The following NRXN1 variants were observed in gnomAD, a reference collection of about 807,000 sequenced individuals.
NRXN1 encodes the protein neurexin 1.
Under a neutral mutation model 150.9 loss-of-function variants are expected in NRXN1, and 39 were observed. The observed-to-expected ratio is 0.26, with a 90% CI of 0.20 to 0.34. The LOEUF is 0.34. Among genes scored for constraint, NRXN1 ranks in the 10% least tolerant of loss-of-function variants. The pLI, the probability that NRXN1 is intolerant of heterozygous loss-of-function variation, is 1.00. For synonymous variants in NRXN1, 924 were observed against 757.0 expected, an observed-to-expected ratio of 1.22 and a Z score of -3.62; for missense variants, 1,815 against 1,949.9, an observed-to-expected ratio of 0.93 and a Z score of 1.30.
intron 5 of NRXN1, among the ~76,000 whole-genome samples, chr2:50,767,808 TATTA>T (rs1196791269): frequency 1.3e-5 from 2 of 151,162 alleles, no homozygotes; most frequent in Non-Finnish European, 3.0e-5. Flanking sequence ...ATAAGGACAT[TATTA>T]ATTATTTTTT....
chr2:50,948,205 T>C (rs1016882223), intron 2 of NRXN1, among the ~76,000 whole-genome samples: 8 of 152,026 alleles, frequency 5.3e-5, no homozygotes, highest in African/African-American at 1.9e-4. Flanking sequence ...TTACTCTCAA[T>C]GAACAGAATT....
intron 18 of NRXN1, among the ~76,000 whole-genome samples, chr2:50,222,467 A>G (rs1178447958): frequency 6.6e-6 from 1 of 152,008 alleles, no homozygotes; most frequent in Non-Finnish European, 1.5e-5. Context: ...GGAGTGTTCA[A>G]CAGTACAATG....
intron 17 of NRXN1, among the ~76,000 whole-genome samples, chr2:50,337,348 G>C (rs2077261083): frequency 6.6e-6 from 1 of 152,168 alleles, no homozygotes; most frequent in African/African-American, 2.4e-5. Flanking sequence ...GCCTCCCAAA[G>C]TGCTGGGACT....
chr2:50,783,421 C>A (rs987482944), intron 5 of NRXN1, among the ~76,000 whole-genome samples: 1 of 152,208 alleles, frequency 6.6e-6, no homozygotes, highest in South Asian at 2.1e-4. Context: ...CTTAAGCTCT[C>A]GGTCTGTGAC....
chr2:49,989,430 G>T (rs115664184), intron 21 of NRXN1, among the ~76,000 whole-genome samples: 1 of 152,154 alleles, frequency 6.6e-6, no homozygotes, highest in Non-Finnish European at 1.5e-5. Context: ...TCTATTTGAA[G>T]AAAGTCAGAA....
intron 17 of NRXN1, among the ~76,000 whole-genome samples, chr2:50,297,160 A>G (rs1253620180): frequency 6.6e-6 from 1 of 152,150 alleles, no homozygotes; most frequent in Non-Finnish European, 1.5e-5. Context: ...AAGTGCTGGG[A>G]TTACAGGCGT....
At chr2:50,661,995 C>A (rs771406099) in intron 5 of NRXN1, among the ~76,000 whole-genome samples, 3 of 152,046 alleles carry the variant, frequency 2.0e-5, no homozygotes, top group Non-Finnish European at 2.9e-5. Flanking sequence ...AAGGCCTTCA[C>A]TCCCTACAGA....
At chr2:50,690,803 C>T (rs531554695) in intron 5 of NRXN1, among the ~76,000 whole-genome samples, 10 of 152,256 alleles carry the variant, frequency 6.6e-5, no homozygotes, top group East Asian at 1.9e-4. Flanking sequence ...AAGTACTTCT[C>T]TTGATTTTCT....
intron 18 of NRXN1, among the ~76,000 whole-genome samples, chr2:50,109,452 A>T (rs575285892): frequency 6.6e-6 from 1 of 152,006 alleles, no homozygotes; most frequent in East Asian, 1.9e-4. Context: ...AGCCAAAAAA[A>T]CCCCACAGAA....
intron 5 of NRXN1, among the ~76,000 whole-genome samples, chr2:50,920,775 T>C (rs777669763): frequency 2.6e-5 from 4 of 151,954 alleles, no homozygotes; most frequent in Non-Finnish European, 4.4e-5. Flanking sequence ...AATTATACTA[T>C]TGAAAATAGC....
intron 5 of NRXN1, among the ~76,000 whole-genome samples, chr2:50,920,992 T>G (rs1255135242): frequency 6.6e-6 from 1 of 151,696 alleles, no homozygotes; most frequent in East Asian, 1.9e-4. Flanking sequence ...GTGGTCCCAA[T>G]TCACCAGATT....
At chr2:50,414,612 A>G (rs1480908228) in intron 17 of NRXN1, among the ~76,000 whole-genome samples, 1 of 152,022 alleles carries the variant, frequency 6.6e-6, no homozygotes, top group African/African-American at 2.4e-5. Context: ...GGACACTACT[A>G]TCCTTCTTAA....
chr2:50,135,976 G>A, intron 18 of NRXN1, among the ~76,000 whole-genome samples: 1 of 152,148 alleles, frequency 6.6e-6, no homozygotes, highest in East Asian at 1.9e-4. Context: ...CCAGCAAGGA[G>A]AAAATGGTTC....
intron 13 of NRXN1, 75 bp downstream of exon 13, chr2:50,506,420 T>TTC: frequency 7.1e-7 from 1 of 1,408,456 alleles, no homozygotes; most frequent in Non-Finnish European, 9.8e-7. Flanking sequence ...CCAGCCTTGG[T>TTC]GTGCAAAACC....
chr2:50,333,696 G>A (rs571027869), intron 17 of NRXN1, among the ~76,000 whole-genome samples: 143 of 151,938 alleles, frequency 9.4e-4, no homozygotes, highest in African/African-American at 3.2e-3. Context: ...TGGATTTGAC[G>A]GCCTCTATTA....
At chr2:50,171,594 CA>C (rs1349370300) in intron 18 of NRXN1, among the ~76,000 whole-genome samples, 1 of 151,972 alleles carries the variant, frequency 6.6e-6, no homozygotes, top group Non-Finnish European at 1.5e-5. Context: ...AGTCATTTGC[CA>C]AGCTCAGGCA....
intron 5 of NRXN1, among the ~76,000 whole-genome samples, chr2:50,909,679 T>G (rs985761159): frequency 1.3e-5 from 2 of 151,902 alleles, no homozygotes; most frequent in African/African-American, 2.4e-5. Flanking sequence ...CTCATAACTT[T>G]CATATAATTT....
intron 10 of NRXN1, among the ~76,000 whole-genome samples, chr2:50,536,300 T>C (rs929898414): frequency 1.3e-5 from 2 of 152,346 alleles, no homozygotes; most frequent in East Asian, 1.9e-4. Context: ...ACAGCCAACC[T>C]GGAGACAAAG....
At chr2:50,271,671 A>G (rs535562709) in intron 17 of NRXN1, among the ~76,000 whole-genome samples, 1 of 152,316 alleles carries the variant, frequency 6.6e-6, no homozygotes, top group African/African-American at 2.4e-5. Context: ...GGAAAATTTT[A>G]ACAACTGAGA....
Sources: allele counts gnomAD v4.1 joint callset (sites outside exome capture counted in the v4.1 genomes callset), GRCh38; gene constraint gnomAD v4.1.1; transcripts MANE v1.5; gene names NCBI Gene and HGNC (gene_info 2026-07-23, HGNC 2026-07-21).